AXDND1: variants seen among roughly 807,000 people sequenced by gnomAD.
AXDND1 encodes axonemal dynein light chain domain containing 1.
AXDND1 carries 110 observed loss-of-function variants against 137.5 expected under a neutral mutation model. The observed-to-expected ratio is 0.80, with a 90% CI of 0.69 to 0.94. AXDND1 has a LOEUF of 0.94. Ranked by LOEUF, AXDND1 falls within the 40% of genes least tolerant of loss-of-function variation. The probability of loss-of-function intolerance (pLI) is 0.00; values close to 1 mark genes in which losing one functional copy is unlikely to be tolerated. For synonymous variants in AXDND1, 414 were observed against 399.7 expected (o/e 1.04, Z -0.43); for missense variants, 1,191 against 1,169.8 (o/e 1.02, Z -0.26).
intron 16 of AXDND1, among the ~76,000 whole-genome samples, chr1:179,464,903 A>C (rs1444794608): frequency 6.6e-6 from 1 of 152,206 alleles, no homozygotes. Flanking sequence ...CACTTGATCA[A>C]ATCAGCTACT....
chr1:179,415,395 A>C (rs4344288), intron 12 of AXDND1, among the ~76,000 whole-genome samples: 116,677 of 152,002 alleles, frequency 0.77, 45,079 homozygotes, highest in South Asian at 0.83. Flanking sequence ...TAAAAAGATA[A>C]CTAAAAAGTA....
In AXDND1 at chr1:179,491,674, G is replaced by A. The variant is rs902240096; in HGVS notation, c.2228G>A (p.Arg743Gln). 5.0e-6 allele frequency: 8 copies of A among 1,611,604 alleles called. No homozygotes were observed. Among genetic ancestry groups the A allele is most frequent in the Non-Finnish European group, 6.8e-6 (8 of 1,179,164 alleles). The change falls in exon 19 of 26, where the codon CGA (arginine) becomes CAA (glutamine). Residue 743 changes from arginine (R) to glutamine (Q), a missense_variant. Arg to Gln is a conservative substitution (Grantham distance 43, BLOSUM62 1). Coordinates refer to ENST00000367618, the MANE Select transcript of AXDND1 (RefSeq NM_144696.6). ...GAGAAACATGATATAGGAGTTGCGCGATTGGAGCTAGATGCGATTGAACTG... is the reference window on the plus strand; with the variant it reads ...GAGAAACATGATATAGGAGTTGCGCAATTGGAGCTAGATGCGATTGAACTG... ...SAEKHDIGVA[R>Q]LELDAIELTR... is the part of the protein sequence containing the mutation.
chr1:179,369,987 C>G lies in AXDND1; in HGVS notation c.283C>G (p.Arg95Gly), dbSNP rs749525444. ...TGCTTTTTCCCAGGGCACTCTTCCA[C>G]GCCTTGTAGACCATGTCTGGCATCA... ...KIKTPKGTLP[R>G]LVDHVWHHPV... Residue 95 changes from arginine (R) to glycine (G), a missense_variant, in exon 4 of 26, where the codon CGC becomes GGC. Arg to Gly is a moderately radical substitution (Grantham distance 125, BLOSUM62 -2). Transcript: ENST00000367618. 1 of 1,613,554 alleles carries G rather than the reference C, an allele frequency of 6.2e-7. No homozygotes were observed. Among genetic ancestry groups the G allele is most frequent in the Non-Finnish European group, 8.5e-7 (1 of 1,179,752 alleles).
At chr1:179,401,065 C>T (rs1041695050) in intron 11 of AXDND1, among the ~76,000 whole-genome samples, 5 of 151,382 alleles carry the variant, frequency 3.3e-5, no homozygotes, top group African/African-American at 1.2e-4. Context: ...TCGAGACCAG[C>T]CTGACCAACA....
chr1:179,393,224 G>A (rs1050262143), intron 9 of AXDND1, among the ~76,000 whole-genome samples: 2 of 152,084 alleles, frequency 1.3e-5, no homozygotes, highest in Non-Finnish European at 2.9e-5. Flanking sequence ...TGAAAAGGGT[G>A]TCCTTTCCCC....
chr1:179,471,304 G>A (rs72721206), intron 17 of AXDND1, among the ~76,000 whole-genome samples: 14,079 of 152,162 alleles, frequency 0.093, 919 homozygotes, highest in African/African-American at 0.17. Flanking sequence ...AATTGGTGTT[G>A]ATTCATCTTT....
intron 20 of AXDND1, among the ~76,000 whole-genome samples, chr1:179,503,246 A>G (rs1668200500): frequency 6.6e-6 from 1 of 152,166 alleles, no homozygotes; most frequent in Admixed American, 6.5e-5. Context: ...TTTAAACTGC[A>G]TATGTGTATT....
At chr1:179,540,791 G>T (rs1672059610) in intron 25 of AXDND1, among the ~76,000 whole-genome samples, 1 of 152,198 alleles carries the variant, frequency 6.6e-6, no homozygotes, top group Admixed American at 6.5e-5. Flanking sequence ...GCCCACCACT[G>T]CCCTTCCCTC....
chr1:179,527,424 GA>G (rs1316882998), intron 22 of AXDND1, among the ~76,000 whole-genome samples: 1 of 152,090 alleles, frequency 6.6e-6, no homozygotes, highest in Non-Finnish European at 1.5e-5. Flanking sequence ...ACCATCTGGG[GA>G]GGCAGCCCAG....
At chr1:179,367,104 C>A (rs1163364836) in intron 2 of AXDND1, among the ~76,000 whole-genome samples, 2 of 152,002 alleles carry the variant, frequency 1.3e-5, no homozygotes, top group African/African-American at 4.8e-5. Context: ...GCCTGTAGTC[C>A]CAGCTTACTC....
At chr1:179,426,002 A>G (rs1318546672) in intron 12 of AXDND1, among the ~76,000 whole-genome samples, 3 of 151,852 alleles carry the variant, frequency 2.0e-5, no homozygotes, top group Admixed American at 2.0e-4. Context: ...ACACCCAGAT[A>G]ATTTTTGTAT....
At chr1:179,462,336 G>T (rs549472309) in intron 16 of AXDND1, among the ~76,000 whole-genome samples, 14 of 152,226 alleles carry the variant, frequency 9.2e-5, no homozygotes, top group African/African-American at 3.4e-4. Flanking sequence ...CTGTTTATAT[G>T]CTGGATTACA....
chr1:179,385,396 G>C, intron 9 of AXDND1, 37 bp downstream of exon 9: 1 of 1,610,726 alleles, frequency 6.2e-7, no homozygotes, highest in Non-Finnish European at 8.5e-7. Flanking sequence ...GTTTCCTTTT[G>C]ATTTTTATAT....
intron 12 of AXDND1, among the ~76,000 whole-genome samples, chr1:179,420,676 G>T (rs1460986525): frequency 4.0e-5 from 6 of 150,000 alleles, no homozygotes; most frequent in Non-Finnish European, 4.4e-5. Context: ...TGGCTGGAGT[G>T]CAGTGGCACA....
At position 179,488,634 on chromosome 1, in the gene AXDND1, C is replaced by CCTTTCTTTCTTT. The variant is rs57848949; in HGVS notation, c.2092-2850_2092-2839dup. On this transcript the variant is annotated intron_variant, in intron 18 of 25. Coordinates refer to ENST00000367618, the MANE Select transcript of AXDND1 (RefSeq NM_144696.6). ...TTTCTTTCTTTCTCTCTCTCTCTCTCCTTTCTTTCTTTCTTTCTTTCTTTC... is the reference window on the plus strand; with the variant it reads ...TTTCTTTCTTTCTCTCTCTCTCTCTCCTTTCTTTCTTTCTTTCTTTCTTTCTTTCTTTCTTTC... Among the ~76,000 whole-genome samples the CCTTTCTTTCTTT allele has an allele frequency of 1.9e-3, 197 of 105,210 alleles. 4 individuals carry two copies. The highest frequency in any genetic ancestry group is 4.3e-3 in the Middle Eastern group (1 of 232). 69.0% of individuals were successfully genotyped at this position (105,210 alleles called of 152,430 possible). A position where few individuals can be genotyped will look rare whatever the true frequency, so the allele number is the denominator to read the frequency against.
intron 11 of AXDND1, among the ~76,000 whole-genome samples, chr1:179,396,604 C>T (rs1234792850): frequency 2.0e-5 from 3 of 151,318 alleles, no homozygotes; most frequent in East Asian, 2.0e-4. Flanking sequence ...GCCGAGACTG[C>T]GCCACTGCAC....
rs947802437 is a variant in AXDND1, at chr1:179,488,186, A to C, written c.2092-3352A>C. Among the ~76,000 whole-genome samples, 4 of 147,798 alleles carry C rather than the reference A, an allele frequency of 2.7e-5. 1 individual carries two copies. Among genetic ancestry groups the C allele is most frequent in the Admixed American group, 6.7e-5 (1 of 14,988 alleles). On this transcript the variant is annotated intron_variant, in intron 18 of 25. Transcript: ENST00000367618. ...TGTTCCCAGCCAATTGAAATGCTTT[A>C]TTTCTAAGATTTTTAAAAAGATTAG...
intron 17 of AXDND1, among the ~76,000 whole-genome samples, chr1:179,479,209 G>A (rs2125524681): frequency 6.6e-6 from 1 of 151,754 alleles, no homozygotes; most frequent in Middle Eastern, 3.5e-3. Flanking sequence ...GGGTGCAGTG[G>A]CTCATGCCTG....
At chr1:179,433,978 G>T (rs936361414) in intron 15 of AXDND1, among the ~76,000 whole-genome samples, 1 of 34,974 alleles carries the variant, frequency 2.9e-5, no homozygotes, top group Admixed American at 3.5e-4. Flanking sequence ...CACTACTATT[G>T]TGGAGTCTAA....
Sources: gnomAD v4.1 joint callset for allele counts (sites outside exome capture counted in the v4.1 genomes callset) on GRCh38, gnomAD v4.1.1 for gene constraint, MANE v1.5 for transcripts, NCBI Gene and HGNC (gene_info 2026-07-23, HGNC 2026-07-21) for gene names.